The following HNRNPK variants were observed in gnomAD, a reference collection of about 807,000 sequenced individuals.
The protein encoded by HNRNPK is heterogeneous nuclear ribonucleoprotein K.
HNRNPK carries 7 observed loss-of-function variants against 67.0 expected under a neutral mutation model. The observed-to-expected ratio is 0.10, with a 90% confidence interval of 0.06 to 0.20. The LOEUF (loss-of-function observed/expected upper bound fraction) is 0.20, where lower values mean the gene tolerates loss of function less well. HNRNPK is among the 10% of genes least tolerant of loss of function. The pLI is 1.00. For synonymous variants in HNRNPK, 213 were observed against 193.7 expected (o/e 1.10, Z -0.83); for missense variants, 264 against 606.5 (o/e 0.44, Z 5.93).
At chr9:83,970,049 T>A in intron 16 of HNRNPK, 113 bp downstream of exon 16, 1 of 802,504 alleles carries the variant, frequency 1.2e-6, no homozygotes, top group Non-Finnish European at 2.0e-6. Flanking sequence ...AGAAGTTAGG[T>A]CCCCAAAAGG....
chr9:83,979,493 T>C (rs1410602405), intron 1 of HNRNPK, among the ~76,000 whole-genome samples: 3 of 152,196 alleles, frequency 2.0e-5, no homozygotes, highest in Non-Finnish European at 2.9e-5. Flanking sequence ...TGTGCTCCAC[T>C]GGCCGAGCGC....
At chr9:83,976,881 A>C in intron 5 of HNRNPK, 114 bp downstream of exon 5, 1 of 625,478 alleles carries the variant, frequency 1.6e-6, no homozygotes, top group Non-Finnish European at 2.8e-6. Flanking sequence ...ATAAATTATT[A>C]CAAATGTCTT....
rs1450053116 is a variant in HNRNPK, at chr9:83,973,322, A to G, written c.480T>C (p.Ile160=). The G allele has an allele frequency of 2.5e-6, 4 of 1,609,076 alleles. No homozygotes were observed. In the African/African-American group the frequency reaches 4.0e-5, roughly 16 times the overall value. ...LIHQSLAGGI[I]GVKGAKIKEL... ...CTTTGATTTTAGCACCTTTGACCCC[A>G]ATAATTCCTCCTGCTAGACTCTGAT... Residue 160 remains isoleucine (I), a synonymous_variant, in exon 9 of 17, where the codon ATT becomes ATC. Coordinates refer to ENST00000376263, the MANE Select transcript of HNRNPK (RefSeq NM_031263.4).
intron 10 of HNRNPK, 102 bp from the exon 11 acceptor site, chr9:83,972,291 C>T (rs1956883180): frequency 4.7e-6 from 4 of 846,668 alleles, no homozygotes; most frequent in Non-Finnish European, 7.3e-6. Context: ...AGTCATTCCC[C>T]CATCAGGAGG....
Position 83,968,086 on chromosome 9 carries a change from A to G in HNRNPK, c.*1321T>C, listed in dbSNP as rs878919287. 10 of 152,428 alleles carry G rather than the reference A, an allele frequency of 6.6e-5. No homozygotes were observed. The highest frequency in any genetic ancestry group is 1.7e-4 in the African/African-American group (7 of 41,458). 9.4% of individuals were successfully genotyped at this position (152,428 alleles called of 1,614,324 possible). A position where few individuals can be genotyped will look rare whatever the true frequency, so the allele number is the denominator to read the frequency against. ...AAAAACACTTCACACAAAAAAATAC[A>G]TAAGATTACTATATTTCCTTTTAAG... On this transcript the variant is annotated 3_prime_UTR_variant, in exon 17 of 17. Transcript: ENST00000376263.
intron 8 of HNRNPK, 71 bp from the exon 9 acceptor site, chr9:83,973,470 G>A (rs1956946533): frequency 8.1e-6 from 7 of 863,998 alleles, no homozygotes; most frequent in African/African-American, 1.7e-5. Context: ...TCTGCTATAA[G>A]CATAACAATA....
In HNRNPK at chr9:83,978,228, T is replaced by A; in HGVS notation, c.25A>T (p.Thr9Ser). The change falls in exon 3 of 17, where the codon ACC becomes TCC. Residue 9 changes from threonine to serine, a missense_variant. Coordinates refer to ENST00000376263, the MANE Select transcript of HNRNPK (RefSeq NM_031263.4). METEQPEETFPNTETNGEF... is the reference protein window; with the variant it reads METEQPEESFPNTETNGEF... ...CCATTGGTTTCAGTGTTAGGGAAGG[T>A]TTCTTCTGGCTGTTCAGTTTCCATA... The A allele has an allele frequency of 2.5e-6, 4 of 1,612,570 alleles. No individual in the cohort carries two copies. Among genetic ancestry groups the A allele is most frequent in the Non-Finnish European group, 3.4e-6 (4 of 1,179,046 alleles).
At chr9:83,973,468 A>T (rs545396465) in intron 8 of HNRNPK, 69 bp from the exon 9 acceptor site, 5 of 866,272 alleles carry the variant, frequency 5.8e-6, no homozygotes, top group South Asian at 5.4e-5. Flanking sequence ...TATCTGCTAT[A>T]AGCATAACAA....
intron 7 of HNRNPK, among the ~76,000 whole-genome samples, 171 bp downstream of exon 7, chr9:83,974,346 T>TTA (rs1564065431): frequency 2.4e-4 from 34 of 143,828 alleles, no homozygotes; most frequent in African/African-American, 7.8e-4. Context: ...TTTTTTTTTT[T>TTA]AAAAAAAAAA....
At chr9:83,974,892 G>A (rs549811207) in intron 6 of HNRNPK, among the ~76,000 whole-genome samples, 8 of 152,236 alleles carry the variant, frequency 5.3e-5, no homozygotes, top group African/African-American at 1.4e-4. Flanking sequence ...TATGTTCCCC[G>A]CCACCACTGA....
intron 9 of HNRNPK, 21 bp downstream of exon 9, chr9:83,973,265 G>A (rs1956937393): frequency 7.6e-7 from 1 of 1,307,408 alleles, no homozygotes; most frequent in African/African-American, 1.5e-5. Context: ...AAAGAATACG[G>A]CAGAATTTTT....
intron 15 of HNRNPK, 94 bp from the exon 16 acceptor site, chr9:83,970,425 T>C (rs1255266979): frequency 2.1e-5 from 21 of 1,002,998 alleles, no homozygotes; most frequent in Non-Finnish European, 3.1e-5. Flanking sequence ...ATTTTATTCA[T>C]TCAGAATCTT....
At position 83,973,337 on chromosome 9, in the gene HNRNPK, T is replaced by C. The variant is rs778424299; in HGVS notation, c.465A>G (p.Leu155=). 6.2e-7 allele frequency: 1 copy of C among 1,611,394 alleles called. No homozygotes were observed. Among genetic ancestry groups the C allele is most frequent in the South Asian group, 1.1e-5 (1 of 91,014 alleles). The change falls in exon 9 of 17, where the codon CTA becomes CTG. Residue 155 remains leucine (L), a synonymous_variant. Transcript: ENST00000376263. ...CELRLLIHQS[L]AGGIIGVKGA... ...CTTTGACCCCAATAATTCCTCCTGC[T>C]AGACTCTGATGAATCAACAGCCTCA... is the stretch of plus-strand genomic sequence containing the variant.
Position 83,969,189 on chromosome 9 carries a change from C to A in HNRNPK, c.*218G>T. On this transcript the variant is annotated 3_prime_UTR_variant, in exon 17 of 17. Transcript: ENST00000376263. ...AGTTTTTGCACGCCCTTCCCCCCCCCAACCCTGTTTGTAAGGAACTAAAAC... is the reference window on the plus strand; with the variant it reads ...AGTTTTTGCACGCCCTTCCCCCCCCAAACCCTGTTTGTAAGGAACTAAAAC... 1.8e-6 allele frequency: 1 copy of A among 565,018 alleles called. No homozygotes were observed. The allele number at this position is 565,018 out of a possible 1,614,324, so 35.0% of individuals were successfully genotyped here.
At chr9:83,978,870 G>GTGA (rs1303118437) in intron 1 of HNRNPK, among the ~76,000 whole-genome samples, 2 of 152,174 alleles carry the variant, frequency 1.3e-5, no homozygotes, top group Non-Finnish European at 2.9e-5. Context: ...GCGATCTTAT[G>GTGA]TGACATCTCT....
At chr9:83,979,487 C>T (rs1957255142) in intron 1 of HNRNPK, among the ~76,000 whole-genome samples, 1 of 152,284 alleles carries the variant, frequency 6.6e-6, no homozygotes, top group Non-Finnish European at 1.5e-5. Context: ...TAAGTATGTG[C>T]TCCACTGGCC....
chr9:83,979,029 G>A (rs75429237), intron 1 of HNRNPK, among the ~76,000 whole-genome samples: 57 of 152,262 alleles, frequency 3.7e-4, no homozygotes, highest in Middle Eastern at 6.8e-3. Context: ...TGGAGCCCTT[G>A]AAAACTAACA....
rs1187356101 is a variant in HNRNPK, at chr9:83,970,595, A to AC, written c.1191+141dup. 21 of 684,310 alleles carry AC rather than the reference A, an allele frequency of 3.1e-5. No homozygotes were observed. The African/African-American group carries it at 3.8e-4, about 12-fold the overall frequency. 42.4% of individuals were successfully genotyped at this position (684,310 alleles called of 1,614,324 possible). On this transcript the variant is annotated intron_variant, in intron 15 of 16. Transcript: ENST00000376263. Reference sequence around the variant, plus strand: ...CTTGACAAGACTCAAACAGCTGAAAACCCAGCTCACTAAAGCCCATTAACA... The same window carrying AC: ...CTTGACAAGACTCAAACAGCTGAAAACCCCAGCTCACTAAAGCCCATTAACA...
intron 5 of HNRNPK, chr9:83,976,612 T>A (rs576600348): frequency 7.4e-4 from 118 of 160,080 alleles, no homozygotes; most frequent in Non-Finnish European, 1.2e-3. Context: ...AACAAAAAAA[T>A]TTTTCTGGAT....
Sources: gnomAD v4.1 joint callset for allele counts (sites outside exome capture counted in the v4.1 genomes callset) on GRCh38, gnomAD v4.1.1 for gene constraint, MANE v1.5 for transcripts, NCBI Gene and HGNC (gene_info 2026-07-23, HGNC 2026-07-21) for gene names.